Variants in FAP observed in about 807,000 individuals in gnomAD.
FAP encodes prolyl endopeptidase FAP.
FAP carries 110 observed loss-of-function variants against 126.5 expected under a neutral mutation model. The ratio of observed to expected loss-of-function variants is 0.87; its 90% CI spans 0.74 to 1.02. FAP has a LOEUF of 1.02. Among genes scored for constraint, FAP ranks in the 50% least tolerant of loss-of-function variants. FAP has a pLI of 0.00. For missense variants in FAP, 919 were observed against 909.2 expected (o/e 1.01, Z -0.14); for synonymous variants, 334 against 297.3 (o/e 1.12, Z -1.27).
At chr2:162,226,303 T>A (rs1267791593) in intron 3 of FAP, among the ~76,000 whole-genome samples, 1 of 152,140 alleles carries the variant, frequency 6.6e-6, no homozygotes, top group Non-Finnish European at 1.5e-5. Flanking sequence ...AACTTTTCCT[T>A]CTCTATTTAA....
intron 20 of FAP, among the ~76,000 whole-genome samples, chr2:162,186,651 G>A (rs2106224938): frequency 6.6e-6 from 1 of 152,022 alleles, no homozygotes; most frequent in East Asian, 1.9e-4. Flanking sequence ...TTTCAGCTTT[G>A]GAAAAGATCT....
chr2:162,171,111 T>A (rs753260906), intron 25 of FAP, 31 bp from the exon 26 acceptor site: 1 of 1,567,576 alleles, frequency 6.4e-7, no homozygotes, highest in Non-Finnish European at 8.8e-7. Flanking sequence ...CTTGTTTTAT[T>A]CCTGCAGTCA....
Position 162,173,644 on chromosome 2 carries a change from T to C in FAP, c.2034+79A>G. The C allele has an allele frequency of 3.0e-6, 3 of 994,170 alleles. No homozygotes were observed. The South Asian group carries it at 4.2e-5, about 14-fold the overall frequency. The allele number at this position is 994,170 out of a possible 1,614,324, so 61.6% of individuals were successfully genotyped here. A position where few individuals can be genotyped will look rare whatever the true frequency, so the allele number is the denominator to read the frequency against. On this transcript the variant is annotated intron_variant, in intron 23 of 25. Coordinates refer to ENST00000188790, the MANE Select transcript of FAP (RefSeq NM_004460.5). ...GCTTGGGGGCCCAGAATTAAAACTG[T>C]AAATTCTGAACTACTGCTTTTAAGT...
chr2:162,224,499 C>T lies in FAP; in HGVS notation c.327G>A (p.Arg109=). ...AATCACTTTCTAGATATACAAATTGCCGATCAGGTGATAAGCCGTAATTTG... is the reference window on the plus strand; with the variant it reads ...AATCACTTTCTAGATATACAAATTGTCGATCAGGTGATAAGCCGTAATTTG... ...NASNYGLSPD[R]QFVYLESDYS... Residue 109 remains arginine, a synonymous_variant, in exon 5 of 26, where the codon CGG becomes CGA. Coordinates refer to ENST00000188790, the MANE Select transcript of FAP (RefSeq NM_004460.5). 1 of 1,598,698 alleles carries T rather than the reference C, an allele frequency of 6.3e-7. No homozygotes were observed. Among genetic ancestry groups the T allele is most frequent in the Non-Finnish European group, 8.5e-7 (1 of 1,174,152 alleles).
intron 2 of FAP, among the ~76,000 whole-genome samples, chr2:162,233,743 T>C (rs942406137): frequency 2.0e-5 from 3 of 152,172 alleles, no homozygotes; most frequent in African/African-American, 7.2e-5. Context: ...TTTATGTATG[T>C]TTTCTTTTGT....
intron 4 of FAP, among the ~76,000 whole-genome samples, chr2:162,224,973 C>T (rs1689574567): frequency 6.6e-6 from 1 of 152,082 alleles, no homozygotes; most frequent in African/African-American, 2.4e-5. Context: ...ACTGGGAGCC[C>T]AGTGGGACAG....
At chr2:162,242,672 T>C (rs911702774) in intron 2 of FAP, among the ~76,000 whole-genome samples, 7 of 152,178 alleles carry the variant, frequency 4.6e-5, no homozygotes, top group African/African-American at 1.7e-4. Context: ...AGCATAGTTC[T>C]TAGGTTTTTC....
intron 16 of FAP, chr2:162,198,146 C>A: frequency 1.3e-5 from 16 of 1,268,946 alleles, no homozygotes; most frequent in Non-Finnish European, 1.6e-5. Flanking sequence ...GATTTTATTA[C>A]TTATGGTTTG....
intron 14 of FAP, among the ~76,000 whole-genome samples, chr2:162,202,294 T>A (rs929365546): frequency 6.6e-6 from 1 of 152,246 alleles, no homozygotes; most frequent in Non-Finnish European, 1.5e-5. Context: ...AGGTTGATAA[T>A]AACAGCCTTA....
chr2:162,229,459 A>C (rs748385488), intron 2 of FAP, among the ~76,000 whole-genome samples: 2 of 152,168 alleles, frequency 1.3e-5, no homozygotes, highest in Non-Finnish European at 2.9e-5. Flanking sequence ...ATTGAGCTTT[A>C]CTTTTATTCT....
chr2:162,208,978 C>T (rs1271827747), intron 12 of FAP, among the ~76,000 whole-genome samples: 1 of 151,816 alleles, frequency 6.6e-6, no homozygotes, highest in Non-Finnish European at 1.5e-5. Context: ...ATAAATTAAA[C>T]AGCATGTAAG....
At chr2:162,178,925 A>G (rs1687584239) in intron 21 of FAP, among the ~76,000 whole-genome samples, 1 of 152,104 alleles carries the variant, frequency 6.6e-6, no homozygotes, top group African/African-American at 2.4e-5. Context: ...TGCTTATTAT[A>G]TTGTATAAGA....
chr2:162,178,261 G>T (rs1687555092), intron 21 of FAP, among the ~76,000 whole-genome samples: 1 of 152,168 alleles, frequency 6.6e-6, no homozygotes, highest in South Asian at 2.1e-4. Flanking sequence ...GCCCAGAAAT[G>T]AGGCTGTTAT....
At chr2:162,178,415 G>A (rs1687562230) in intron 21 of FAP, among the ~76,000 whole-genome samples, 1 of 152,148 alleles carries the variant, frequency 6.6e-6, no homozygotes, top group African/African-American at 2.4e-5. Flanking sequence ...GCTGTCCTAT[G>A]TATCACAGGA....
Position 162,189,424 on chromosome 2 carries a change from C to T in FAP, c.1549+232G>A, listed in dbSNP as rs189746022. On this transcript the variant is annotated intron_variant, in intron 18 of 25. Coordinates refer to ENST00000188790, the MANE Select transcript of FAP (RefSeq NM_004460.5). ...ATTAGATAAGCTCTTTTTAAAAAAA[C>T]GTCAGTGTGGAAAGGAAGCTATTGA... Among the ~76,000 whole-genome samples, 32 of 151,744 alleles carry T rather than the reference C, an allele frequency of 2.1e-4. No homozygotes were observed. In the East Asian group the frequency reaches 5.2e-3, roughly 25 times the overall value.
intron 6 of FAP, among the ~76,000 whole-genome samples, chr2:162,222,578 A>G (rs1689453680): frequency 6.6e-6 from 1 of 152,172 alleles, no homozygotes; most frequent in Non-Finnish European, 1.5e-5. Flanking sequence ...TTCAAGCCAT[A>G]TAATTATTTC....
At position 162,209,968 on chromosome 2, in the gene FAP, G is replaced by GT. The variant is rs1346951478; in HGVS notation, c.1030dup (p.Thr344AsnfsTer17). 3 of 1,612,896 alleles carry GT rather than the reference G, an allele frequency of 1.9e-6. No homozygotes were observed. The Admixed American group carries it at 5.0e-5, about 27-fold the overall frequency. On this transcript the variant is annotated frameshift_variant, in exon 12 of 26. Transcript: ENST00000188790. LOFTEE classifies it high-confidence loss of function. The stretch of plus-strand genomic sequence containing the variant: ...AAATCATACTCCACCAGCCCATCCA[G>GT]TTCTGCTTTCTTCTATATGCTCCTG...
intron 12 of FAP, among the ~76,000 whole-genome samples, chr2:162,203,680 A>G (rs1688586389): frequency 6.6e-6 from 1 of 152,084 alleles, no homozygotes. Context: ...AAAGTTGCCT[A>G]TGTTGGGGGA....
At chr2:162,194,790 A>C in intron 16 of FAP, 42 bp from the exon 17 acceptor site, 1 of 1,582,720 alleles carries the variant, frequency 6.3e-7, no homozygotes, top group Non-Finnish European at 8.7e-7. Flanking sequence ...TAGTGTTAAA[A>C]TAACAATTCC....
Sources: gnomAD v4.1 joint callset for allele counts (sites outside exome capture counted in the v4.1 genomes callset) on GRCh38, gnomAD v4.1.1 for gene constraint, MANE v1.5 for transcripts, NCBI Gene and HGNC (gene_info 2026-07-23, HGNC 2026-07-21) for gene names.